Variants in MYH9 observed in about 807,000 individuals in gnomAD.
MYH9 encodes myosin-9.
Under a neutral mutation model 241.9 loss-of-function variants are expected in MYH9, and 29 were observed. The observed-to-expected ratio is 0.12, with a 90% CI of 0.09 to 0.16. The LOEUF (loss-of-function observed/expected upper bound fraction) is 0.16. Ranked by LOEUF, MYH9 falls within the 10% of genes least tolerant of loss-of-function variation. MYH9 has a pLI of 1.00. For missense variants in MYH9, 1,803 were observed against 2,595.5 expected, an observed-to-expected ratio of 0.69 and a Z score of 6.63; for synonymous variants, 1,047 against 1,062.6, an observed-to-expected ratio of 0.99 and a Z score of 0.29.
chr22:36,311,541 G>A (rs2017063788), intron 14 of MYH9, among the ~76,000 whole-genome samples: 1 of 152,212 alleles, frequency 6.6e-6, no homozygotes, highest in East Asian at 1.9e-4. Context: ...TACCAGGAAT[G>A]CCGAGGTTGA....
intron 1 of MYH9, among the ~76,000 whole-genome samples, chr22:36,371,763 G>A (rs2018093947): frequency 6.6e-6 from 1 of 151,956 alleles, no homozygotes; most frequent in Non-Finnish European, 1.5e-5. Context: ...TCGAACTCCT[G>A]ACCTCAGGTG....
Position 36,383,960 on chromosome 22 carries a change from G to GA in MYH9, c.-20+3846dup, listed in dbSNP as rs113872567. Among the ~76,000 whole-genome samples the GA allele has an allele frequency of 4.6e-3, 532 of 115,032 alleles. 4 individuals carry two copies. The highest frequency in any genetic ancestry group is 0.012 in the African/African-American group (369 of 30,306). 75.5% of individuals were successfully genotyped at this position (115,032 alleles called of 152,430 possible). On this transcript the variant is annotated intron_variant, in intron 1 of 40. Transcript: ENST00000216181. The stretch of plus-strand genomic sequence containing the variant: ...GGGTGACAGAGTGAGACCCTGTCTC[G>GA]AAAAAAAAAAAAAAAGTGGGCGAGG...
At position 36,288,825 on chromosome 22, in the gene MYH9, A is replaced by G. The variant is rs575614215; in HGVS notation, c.4672T>C (p.Leu1558=). ...LQATEDAKLR[L]EVNLQAMKAQ... is the part of the protein sequence containing the mutation. ...TTCATGGCCTGCAGGTTGACCTCCA[A>G]CCGCAGCTTGGCATCTTCGGTGGCC... Residue 1558 remains leucine (L), a synonymous_variant, in exon 33 of 41, where the codon TTG becomes CTG. Transcript: ENST00000216181. The surrounding 1 kb of genome is among the most constrained non-coding windows in gnomAD (Gnocchi z 4.8). 6 of 1,613,032 alleles carry G rather than the reference A, an allele frequency of 3.7e-6. No individual in the cohort carries two copies. The South Asian group carries it at 6.6e-5, about 18-fold the overall frequency.
intron 5 of MYH9, among the ~76,000 whole-genome samples, chr22:36,324,638 C>T (rs1163156426): frequency 6.6e-6 from 1 of 152,258 alleles, no homozygotes; most frequent in Non-Finnish European, 1.5e-5. Flanking sequence ...GGCTCCCAAA[C>T]CAATTCAAGG....
At chr22:36,338,013 A>C (rs1348192932) in intron 3 of MYH9, among the ~76,000 whole-genome samples, 1 of 148,144 alleles carries the variant, frequency 6.8e-6, no homozygotes, top group Non-Finnish European at 1.5e-5. Flanking sequence ...TTTTTTTTTA[A>C]TTGAGACCAA....
intron 20 of MYH9, among the ~76,000 whole-genome samples, chr22:36,301,935 C>A (rs984489371): frequency 6.6e-6 from 1 of 152,088 alleles, no homozygotes; most frequent in African/African-American, 2.4e-5. Flanking sequence ...TGAGGAAGGA[C>A]CCATCTCTGA....
chr22:36,386,492 T>G (rs999277763), intron 1 of MYH9, among the ~76,000 whole-genome samples: 2 of 152,236 alleles, frequency 1.3e-5, no homozygotes, highest in Non-Finnish European at 2.9e-5. Flanking sequence ...GCCACAGTGC[T>G]GCGCTGCACG....
At chr22:36,374,491 G>C (rs2018136362) in intron 1 of MYH9, among the ~76,000 whole-genome samples, 1 of 152,224 alleles carries the variant, frequency 6.6e-6, no homozygotes, top group Admixed American at 6.5e-5. Context: ...GTACACTCCA[G>C]CCTGGGCGAC....
At chr22:36,289,549 C>T (rs897675077) in intron 31 of MYH9, among the ~76,000 whole-genome samples, 1 of 152,256 alleles carries the variant, frequency 6.6e-6, no homozygotes, top group Non-Finnish European at 1.5e-5. Flanking sequence ...ATTTTCATCA[C>T]TTACTAATCG....
chr22:36,359,019 G>A (rs1428758105), intron 1 of MYH9, among the ~76,000 whole-genome samples: 1 of 152,044 alleles, frequency 6.6e-6, no homozygotes, highest in East Asian at 1.9e-4. Context: ...CAGGCCTCCA[G>A]GCCTTCAAAG....
intron 1 of MYH9, among the ~76,000 whole-genome samples, chr22:36,368,745 G>A: frequency 6.6e-6 from 1 of 152,006 alleles, no homozygotes; most frequent in East Asian, 1.9e-4. Context: ...AATTTAATAA[G>A]CCTGGAGTTG....
At chr22:36,290,058 G>A (rs1327975446) in intron 31 of MYH9, among the ~76,000 whole-genome samples, 1 of 152,066 alleles carries the variant, frequency 6.6e-6, no homozygotes, top group East Asian at 1.9e-4. Flanking sequence ...CTGCCCCCGA[G>A]TCCACATCCC....
chr22:36,310,045 T>A (rs1169971307), intron 14 of MYH9, among the ~76,000 whole-genome samples: 1 of 151,518 alleles, frequency 6.6e-6, no homozygotes, highest in South Asian at 2.1e-4. Flanking sequence ...AGGTCAGGAG[T>A]TCGAGACCAG....
intron 2 of MYH9, among the ~76,000 whole-genome samples, chr22:36,348,244 C>T (rs559061778): frequency 5.2e-4 from 78 of 150,986 alleles, no homozygotes; most frequent in Non-Finnish European, 8.9e-4. Context: ...TGCGGTGGCT[C>T]GCGCCTGTAA....
chr22:36,370,849 G>A (rs1252758067), intron 1 of MYH9, among the ~76,000 whole-genome samples: 1 of 151,918 alleles, frequency 6.6e-6, no homozygotes, highest in Admixed American at 6.6e-5. Flanking sequence ...TGAACCAGGG[G>A]TGGGCAGTGG....
In MYH9 at chr22:36,334,557, C is replaced by A. The variant is rs375546155; in HGVS notation, c.490+6813G>T. Among the ~76,000 whole-genome samples, 115 of 152,324 alleles carry A rather than the reference C, an allele frequency of 7.5e-4. 2 individuals are homozygous for A. The highest frequency in any genetic ancestry group is 2.6e-3 in the African/African-American group (110 of 41,582). The stretch of plus-strand genomic sequence containing the variant: ...GCGGTCGCTGCAGGGGCGGCTGTGA[C>A]AACTCACTTCCTGCACCTGGACTCT... On this transcript the variant is annotated intron_variant, in intron 3 of 40. Transcript: ENST00000216181.
chr22:36,319,762 G>C, intron 9 of MYH9, 127 bp from the exon 10 acceptor site: 3 of 920,874 alleles, frequency 3.3e-6, no homozygotes, highest in Non-Finnish European at 5.1e-6. Context: ...AACTCCCTGG[G>C]GCCACAGGGG....
chr22:36,309,163 CT>C, intron 15 of MYH9, 118 bp downstream of exon 15: 3 of 868,374 alleles, frequency 3.5e-6, no homozygotes, highest in Non-Finnish European at 5.7e-6. Context: ...CAGAGACCAC[CT>C]GGCCTATGTC....
At chr22:36,377,691 T>C (rs1004567727) in intron 1 of MYH9, among the ~76,000 whole-genome samples, 8 of 149,360 alleles carry the variant, frequency 5.4e-5, no homozygotes, top group South Asian at 4.2e-4. Context: ...GGGCGGATCA[T>C]GAGGTCAGGA....
Sources: gnomAD v4.1 joint callset for allele counts (sites outside exome capture counted in the v4.1 genomes callset) on GRCh38, gnomAD v4.1.1 for gene constraint, Gnocchi (gnomAD v3.1) non-coding constraint, MANE v1.5 for transcripts, NCBI Gene and HGNC (gene_info 2026-07-23, HGNC 2026-07-21) for gene names.